The following NHS variants were observed in gnomAD, a reference collection of about 807,000 sequenced individuals.
NHS encodes NHS actin remodeling regulator.
NHS carries 5 observed loss-of-function variants against 72.5 expected under a neutral mutation model. That is an observed-to-expected ratio of 0.07 (90% CI 0.04 to 0.14). The LOEUF (loss-of-function observed/expected upper bound fraction) is 0.14, where lower values mean the gene tolerates loss of function less well. Among genes scored for constraint, NHS ranks in the 10% least tolerant of loss-of-function variants. The probability of loss-of-function intolerance (pLI) is 1.00; values close to 1 mark genes in which losing one functional copy is unlikely to be tolerated. For missense variants in NHS, 1,072 were observed against 1,355.7 expected, an observed-to-expected ratio of 0.79 and a Z score of 3.29; for synonymous variants, 464 against 547.7, an observed-to-expected ratio of 0.85 and a Z score of 2.13.
At chrX:17,704,710 G>A (rs937169436) in intron 3 of NHS, among the ~76,000 whole-genome samples, 1 of 112,074 alleles carries the variant, frequency 8.9e-6, no homozygotes, top group Non-Finnish European at 1.9e-5. Flanking sequence ...GTTGGTTCCT[G>A]AAAAGCTCCC....
chrX:17,658,603 C>T (rs1223038420), intron 1 of NHS, among the ~76,000 whole-genome samples: 1 of 112,027 alleles, frequency 8.9e-6, no homozygotes, highest in Non-Finnish European at 1.9e-5. Context: ...GAGACTTGCA[C>T]ACAGTTGCTA....
In NHS at chrX:17,728,685, T is replaced by A. The variant is rs1057524747; in HGVS notation, c.4259T>A (p.Leu1420His). The change falls in exon 8 of 9, where the codon CTT becomes CAT. Residue 1420 changes from leucine to histidine, a missense_variant. Leu to His is a moderately conservative substitution (Grantham distance 99, BLOSUM62 -3). Coordinates refer to ENST00000676302, the MANE Select transcript of NHS (RefSeq NM_001291867.2). ...SPSDDSIISP[L>H]SEDSQAEAEG... ...AGTGATGACTCCATCATTTCACCAC[T>A]TAGTGAAGACTCCCAAGCTGAAGCA... The A allele has an allele frequency of 8.3e-7, 1 of 1,210,104 alleles. No homozygotes were observed. Among genetic ancestry groups the A allele is most frequent in the Non-Finnish European group, 1.1e-6 (1 of 894,386 alleles).
At chrX:17,542,257 TG>T (rs1230284856) in intron 1 of NHS, among the ~76,000 whole-genome samples, 5 of 113,241 alleles carry the variant, frequency 4.4e-5, no homozygotes, top group Non-Finnish European at 9.4e-5. Flanking sequence ...CAGGGTTCTG[TG>T]TACTTGCATG....
chrX:17,583,586 G>C (rs939740179), intron 1 of NHS, among the ~76,000 whole-genome samples: 3 of 112,250 alleles, frequency 2.7e-5, no homozygotes, highest in African/African-American at 9.7e-5. Context: ...AGGTGAATTC[G>C]GAAGACCTAG....
At chrX:17,677,686 AC>A (rs1461361949) in intron 1 of NHS, among the ~76,000 whole-genome samples, 1 of 112,059 alleles carries the variant, frequency 8.9e-6, no homozygotes, top group Non-Finnish European at 1.9e-5. Flanking sequence ...CTGTGTTATA[AC>A]TGGGAGCTAA....
chrX:17,472,715 C>T (rs1330923769), intron 1 of NHS, among the ~76,000 whole-genome samples: 1 of 111,975 alleles, frequency 8.9e-6, no homozygotes, highest in Non-Finnish European at 1.9e-5. Flanking sequence ...CCACCATAGA[C>T]TCAGGTTAGG....
intron 1 of NHS, among the ~76,000 whole-genome samples, chrX:17,392,822 C>T (rs2064452025): frequency 8.9e-6 from 1 of 112,114 alleles, no homozygotes; most frequent in Non-Finnish European, 1.9e-5. Flanking sequence ...GGACAAGATA[C>T]AGAACATTTT....
chrX:17,513,816 T>A (rs1199574350), intron 1 of NHS, among the ~76,000 whole-genome samples: 1 of 112,484 alleles, frequency 8.9e-6, no homozygotes, highest in Non-Finnish European at 1.9e-5. Flanking sequence ...ATATTGAATG[T>A]CAACTTGATT....
intron 1 of NHS, among the ~76,000 whole-genome samples, chrX:17,645,481 AT>A (rs2147079820): frequency 8.9e-6 from 1 of 111,822 alleles, no homozygotes; most frequent in African/African-American, 3.3e-5. Flanking sequence ...TACAGCTCCA[AT>A]TTATACAGCT....
intron 1 of NHS, among the ~76,000 whole-genome samples, chrX:17,629,120 A>G (rs891786496): frequency 8.9e-6 from 1 of 111,990 alleles, no homozygotes; most frequent in Non-Finnish European, 1.9e-5. Context: ...AGAAAACAAC[A>G]ACTAAATGCC....
chrX:17,481,352 C>CT (rs1422237931), intron 1 of NHS, among the ~76,000 whole-genome samples: 1 of 111,944 alleles, frequency 8.9e-6, no homozygotes, highest in East Asian at 2.8e-4. Flanking sequence ...TTCTTCTCCT[C>CT]TTGACTCTGG....
chrX:17,600,489 G>C lies in NHS; in HGVS notation c.566-87253G>C, dbSNP rs929093837. Among the ~76,000 whole-genome samples, 3 of 112,349 alleles carry C rather than the reference G, an allele frequency of 2.7e-5. No homozygotes were observed. The East Asian group carries it at 8.4e-4, about 31-fold the overall frequency. ...ATATACGTTAATTTAAGACGACGCC[G>C]TCAATTTAGTGGCATGTTTATTGAA... On this transcript the variant is annotated intron_variant, in intron 1 of 8. Transcript: ENST00000676302.
intron 1 of NHS, among the ~76,000 whole-genome samples, chrX:17,561,557 TGC>T (rs1240571846): frequency 0.018 from 1,375 of 76,351 alleles, 31 homozygotes; most frequent in African/African-American, 0.052. Context: ...TGCAAGTGCA[TGC>T]GCGCGCGCGC....
intron 1 of NHS, among the ~76,000 whole-genome samples, chrX:17,424,460 A>G (rs1326035714): frequency 9.0e-6 from 1 of 111,691 alleles, no homozygotes. Context: ...TTTGCTTCCC[A>G]AAGGTTTATG....
chrX:17,397,408 C>T (rs1489818642), intron 1 of NHS, among the ~76,000 whole-genome samples: 1 of 111,635 alleles, frequency 9.0e-6, no homozygotes, highest in Admixed American at 9.5e-5. Context: ...CTTTGGGCAC[C>T]ATGAGCTAAC....
chrX:17,577,691 G>A (rs2065519446), intron 1 of NHS, among the ~76,000 whole-genome samples: 1 of 111,694 alleles, frequency 9.0e-6, no homozygotes, highest in Non-Finnish European at 1.9e-5. Flanking sequence ...TTTGACTTTG[G>A]AAAGTGTTCC....
At chrX:17,695,795 C>G (rs1052334091) in intron 3 of NHS, among the ~76,000 whole-genome samples, 1 of 110,696 alleles carries the variant, frequency 9.0e-6, no homozygotes, top group Non-Finnish European at 1.9e-5. Context: ...GGAAACAGGA[C>G]AAGCCAATTT....
At chrX:17,669,064 G>T (rs1222265010) in intron 1 of NHS, among the ~76,000 whole-genome samples, 2 of 112,232 alleles carry the variant, frequency 1.8e-5, no homozygotes, top group East Asian at 5.6e-4. Flanking sequence ...AGAAGCATCT[G>T]CCACAACATC....
At chrX:17,611,825 G>A (rs370522777) in intron 1 of NHS, among the ~76,000 whole-genome samples, 2 of 111,777 alleles carry the variant, frequency 1.8e-5, no homozygotes, top group African/African-American at 3.2e-5. Flanking sequence ...CTCAGGGTGT[G>A]TAGATGCAAC....
Sources: allele counts gnomAD v4.1 joint callset (sites outside exome capture counted in the v4.1 genomes callset), GRCh38; gene constraint gnomAD v4.1.1; transcripts MANE v1.5; gene names NCBI Gene and HGNC (gene_info 2026-07-23, HGNC 2026-07-21).